The following CTNNA2 variants were observed in gnomAD, a reference collection of about 807,000 sequenced individuals.
CTNNA2 encodes catenin alpha 2.
CTNNA2 carries 42 observed loss-of-function variants against 101.0 expected under a neutral mutation model. The observed-to-expected ratio is 0.42, with a 90% CI of 0.32 to 0.54. The LOEUF is 0.54. CTNNA2 is among the 20% of genes least tolerant of loss of function. The probability of loss-of-function intolerance (pLI) is 0.14; values close to 1 mark genes in which losing one functional copy is unlikely to be tolerated. For missense variants in CTNNA2, 871 were observed against 1,223.1 expected (o/e 0.71, Z 4.29); for synonymous variants, 450 against 456.4 (o/e 0.99, Z 0.18).
intron 2 of CTNNA2, among the ~76,000 whole-genome samples, chr2:79,666,710 T>A (rs942217964): frequency 1.1e-4 from 17 of 152,206 alleles, no homozygotes; most frequent in Non-Finnish European, 2.2e-4. Context: ...CTAAGGAATG[T>A]ATATGCTAAG....
chr2:79,663,722 A>G (rs1191202598), intron 2 of CTNNA2, among the ~76,000 whole-genome samples: 1 of 152,074 alleles, frequency 6.6e-6, no homozygotes, highest in Admixed American at 6.6e-5. Context: ...TTGTAATTGT[A>G]TTAATGTGTA....
At chr2:79,757,908 G>C (rs772351453) in intron 3 of CTNNA2, among the ~76,000 whole-genome samples, 1 of 152,172 alleles carries the variant, frequency 6.6e-6, no homozygotes, top group African/African-American at 2.4e-5. Flanking sequence ...AACAGACCTA[G>C]CACACCTCAG....
At chr2:80,472,045 T>C (rs148261275) in intron 9 of CTNNA2, among the ~76,000 whole-genome samples, 131 of 151,590 alleles carry the variant, frequency 8.6e-4, no homozygotes, top group African/African-American at 3.1e-3. Context: ...GAAAATTACT[T>C]GAATCTGGGA....
At chr2:80,135,443 C>T (rs1312381759) in intron 7 of CTNNA2, among the ~76,000 whole-genome samples, 1 of 152,206 alleles carries the variant, frequency 6.6e-6, no homozygotes, top group Non-Finnish European at 1.5e-5. Flanking sequence ...GACCAGAAAT[C>T]ATAAGTGTTT....
intron 7 of CTNNA2, among the ~76,000 whole-genome samples, chr2:80,226,258 TA>T (rs1708882746): frequency 6.6e-6 from 1 of 152,240 alleles, no homozygotes; most frequent in Non-Finnish European, 1.5e-5. Context: ...TATGTTCAAT[TA>T]GACGAATACT....
chr2:80,088,486 T>A (rs1334822953), intron 7 of CTNNA2, among the ~76,000 whole-genome samples: 3 of 152,050 alleles, frequency 2.0e-5, no homozygotes, highest in African/African-American at 7.2e-5. Flanking sequence ...GTTTAGCATA[T>A]GTTTGTGGAA....
intron 7 of CTNNA2, among the ~76,000 whole-genome samples, chr2:80,011,023 G>T (rs1000625033): frequency 1.3e-5 from 2 of 151,966 alleles, no homozygotes; most frequent in Non-Finnish European, 2.9e-5. Flanking sequence ...GAATTAGATT[G>T]CCAGATGAAA....
chr2:80,225,338 GA>G (rs1708819679), intron 7 of CTNNA2, among the ~76,000 whole-genome samples: 1 of 152,312 alleles, frequency 6.6e-6, no homozygotes, highest in East Asian at 1.9e-4. Context: ...TTTGTGAAGA[GA>G]AATCTCATTT....
intron 4 of CTNNA2, among the ~76,000 whole-genome samples, chr2:79,426,748 C>A (rs935350547): frequency 6.6e-6 from 1 of 152,106 alleles, no homozygotes; most frequent in Admixed American, 6.6e-5. Context: ...AATAACAAAT[C>A]TCTTAAGGTC....
At chr2:79,654,171 A>G (rs1311949026) in intron 2 of CTNNA2, among the ~76,000 whole-genome samples, 1 of 152,202 alleles carries the variant, frequency 6.6e-6, no homozygotes, top group African/African-American at 2.4e-5. Flanking sequence ...GCTTCTCAAA[A>G]TTCTTCCAGC....
intron 1 of CTNNA2, chr2:79,524,664 G>A (rs1264276061): frequency 3.3e-5 from 5 of 151,816 alleles, no homozygotes; most frequent in African/African-American, 9.7e-5. Flanking sequence ...TAGATTTAGT[G>A]TGAATGAGAC....
At chr2:79,584,531 T>C (rs1395529631) in intron 1 of CTNNA2, among the ~76,000 whole-genome samples, 1 of 151,724 alleles carries the variant, frequency 6.6e-6, no homozygotes, top group African/African-American at 2.4e-5. Flanking sequence ...TTTTTTTTTT[T>C]TTTTCTTTTT....
chr2:80,170,209 ATC>A (rs1157144222), intron 7 of CTNNA2, among the ~76,000 whole-genome samples: 76 of 144,226 alleles, frequency 5.3e-4, no homozygotes, highest in East Asian at 3.7e-3. Flanking sequence ...CTCTCTCTCT[ATC>A]TCTCTCTCTC....
chr2:79,961,963 A>G (rs1052822899), intron 7 of CTNNA2, among the ~76,000 whole-genome samples: 1 of 152,196 alleles, frequency 6.6e-6, no homozygotes, highest in African/African-American at 2.4e-5. Context: ...CCAAAGGTAT[A>G]ATTTAAAGGC....
chr2:79,373,488 C>T (rs1206032228), intron 3 of CTNNA2, among the ~76,000 whole-genome samples: 1 of 152,092 alleles, frequency 6.6e-6, no homozygotes, highest in African/African-American at 2.4e-5. Flanking sequence ...AATGATAGCA[C>T]TGAAATTGAT....
intron 7 of CTNNA2, among the ~76,000 whole-genome samples, chr2:80,279,993 A>G (rs1414645172): frequency 6.6e-6 from 1 of 151,774 alleles, no homozygotes; most frequent in Non-Finnish European, 1.5e-5. Flanking sequence ...GTTCAGCAAC[A>G]CTCACCTAAC....
At chr2:80,472,089 C>A (rs1431035667) in intron 9 of CTNNA2, among the ~76,000 whole-genome samples, 1 of 150,220 alleles carries the variant, frequency 6.7e-6, no homozygotes, top group Non-Finnish European at 1.5e-5. Flanking sequence ...CACTGCACTC[C>A]AGCCTGGGTG....
At chr2:80,290,152 A>G (rs1030722636) in intron 7 of CTNNA2, among the ~76,000 whole-genome samples, 2 of 152,160 alleles carry the variant, frequency 1.3e-5, no homozygotes, top group African/African-American at 4.8e-5. Context: ...AGACAAGGGA[A>G]TTGAGGTACA....
At chr2:80,455,271 G>T (rs554293780) in intron 9 of CTNNA2, among the ~76,000 whole-genome samples, 2 of 152,320 alleles carry the variant, frequency 1.3e-5, no homozygotes, top group East Asian at 3.9e-4. Context: ...GTCTGGCGTA[G>T]AGCCACTGGG....
Sources: allele counts gnomAD v4.1 joint callset (sites outside exome capture counted in the v4.1 genomes callset), GRCh38; gene constraint gnomAD v4.1.1; transcripts MANE v1.5; gene names NCBI Gene and HGNC (gene_info 2026-07-23, HGNC 2026-07-21).